NSUN7: variants seen among roughly 807,000 people sequenced by gnomAD.
The protein encoded by NSUN7 is NOP2/Sun RNA methyltransferase family member 7.
In NSUN7, 39 loss-of-function variants were observed where a neutral mutation model predicts 58.5. That is an observed-to-expected ratio of 0.67 (90% confidence interval 0.52 to 0.87). The LOEUF is 0.87. Ranked by LOEUF, NSUN7 falls within the 40% of genes least tolerant of loss-of-function variation. The pLI is 0.00. For synonymous variants in NSUN7, 278 were observed against 303.7 expected (o/e 0.92, Z 0.88); for missense variants, 765 against 844.1 (o/e 0.91, Z 1.16).
intron 2 of NSUN7, among the ~76,000 whole-genome samples, chr4:40,759,781 T>G (rs1741360407): frequency 6.6e-6 from 1 of 152,064 alleles, no homozygotes; most frequent in East Asian, 1.9e-4. Flanking sequence ...TGGCTCATGC[T>G]TGTAATCCCA....
intron 2 of NSUN7, among the ~76,000 whole-genome samples, chr4:40,751,838 A>T (rs1478968924): frequency 1.3e-5 from 2 of 152,242 alleles, no homozygotes; most frequent in South Asian, 2.1e-4. Context: ...ACAAAAAAAA[A>T]TTTAAAAATT....
chr4:40,786,657 A>G, intron 7 of NSUN7: 1 of 1,584,730 alleles, frequency 6.3e-7, no homozygotes, highest in South Asian at 1.2e-5. Context: ...TTGAGAAACT[A>G]CATGATATGA....
intron 10 of NSUN7, among the ~76,000 whole-genome samples, chr4:40,799,213 G>A (rs1008317125): frequency 6.6e-6 from 1 of 150,804 alleles, no homozygotes; most frequent in Non-Finnish European, 1.5e-5. Context: ...AGCCTCCCAA[G>A]TGGCTGGGAT....
At chr4:40,754,334 A>G (rs888865397) in intron 2 of NSUN7, among the ~76,000 whole-genome samples, 2 of 151,988 alleles carry the variant, frequency 1.3e-5, no homozygotes, top group Non-Finnish European at 2.9e-5. Flanking sequence ...TTTAGTAGAG[A>G]TGGGAGTTTC....
intron 2 of NSUN7, 41 bp downstream of exon 2, chr4:40,751,032 T>G: frequency 1.3e-6 from 2 of 1,593,886 alleles, no homozygotes; most frequent in Non-Finnish European, 1.7e-6. Flanking sequence ...TAAAAGAAAA[T>G]AATAGCGAGA....
At chr4:40,800,951 T>G (rs1743552468) in intron 10 of NSUN7, among the ~76,000 whole-genome samples, 1 of 152,082 alleles carries the variant, frequency 6.6e-6, no homozygotes, top group Non-Finnish European at 1.5e-5. Flanking sequence ...TTTTGTGATT[T>G]TCTTCTAAAT....
At position 40,789,497 on chromosome 4, in the gene NSUN7, G is replaced by A. The variant is rs13435600; in HGVS notation, c.1037-1105G>A. 7.8e-3 allele frequency among the ~76,000 whole-genome samples: 1,021 copies of A among 130,480 alleles called. 11 individuals are homozygous for A. The highest frequency in any genetic ancestry group is 0.027 in the African/African-American group (954 of 35,072). The allele number at this position is 130,480 out of a possible 152,430, so 85.6% of individuals were successfully genotyped here. A position where few individuals can be genotyped will look rare whatever the true frequency, so the allele number is the denominator to read the frequency against. ...AAACATTTTTAACTTTTTTGGTGTC[G>A]TTACATTTTAAAAGAAGATTTTATC... On this transcript the variant is annotated intron_variant, in intron 7 of 11. Transcript: ENST00000381782.
rs1268123756 is a variant in NSUN7 at position 40,810,750 on chromosome 4, A to G, written c.*1811A>G. 6.6e-6 allele frequency: 1 copy of G among 152,198 alleles called. No individual in the cohort carries two copies. The highest frequency in any genetic ancestry group is 1.5e-5 in the Non-Finnish European group (1 of 68,038). The allele number at this position is 152,198 out of a possible 1,614,324, so 9.4% of individuals were successfully genotyped here. On this transcript the variant is annotated 3_prime_UTR_variant, in exon 12 of 12. Coordinates refer to ENST00000381782, the MANE Select transcript of NSUN7 (RefSeq NM_024677.6). ...ATTTTGCTGATTTTGAAAATCAAAC[A>G]CTATCTCCTTGCCCTAAAATTATAG... is the stretch of plus-strand genomic sequence containing the variant.
intron 7 of NSUN7, chr4:40,785,996 A>G (rs1039017854): frequency 1.5e-6 from 2 of 1,366,438 alleles, no homozygotes; most frequent in African/African-American, 2.9e-5. Context: ...AGAGACGCTG[A>G]GTGAAGAAGA....
intron 4 of NSUN7, 118 bp from the exon 5 acceptor site, chr4:40,774,147 A>C: frequency 1.0e-6 from 1 of 968,048 alleles, no homozygotes; most frequent in Non-Finnish European, 1.6e-6. Flanking sequence ...GACTTCAAAA[A>C]TTTGAAATAG....
chr4:40,808,637 G>A lies in NSUN7; in HGVS notation c.1855G>A (p.Val619Met), dbSNP rs985715417. The change falls in exon 12 of 12, where the codon GTG (valine) becomes ATG (methionine). Residue 619 changes from valine (V) to methionine (M), a missense_variant. Coordinates refer to ENST00000381782, the MANE Select transcript of NSUN7 (RefSeq NM_024677.6). ...LAPHPAVPAF[V>M]KNTCPSRPRE... ...CCCCCATCCTGCAGTGCCTGCATTT[G>A]TGAAGAACACTTGTCCCTCCAGACC... 48 of 1,551,778 alleles carry A rather than the reference G, an allele frequency of 3.1e-5. No homozygotes were observed. The East Asian group carries it at 1.1e-3, about 36-fold the overall frequency.
chr4:40,807,638 A>G (rs1486960201), intron 11 of NSUN7, among the ~76,000 whole-genome samples: 2 of 151,624 alleles, frequency 1.3e-5, no homozygotes, highest in Admixed American at 6.6e-5. Flanking sequence ...GAACCACCGC[A>G]CCCGGCCAGC....
intron 3 of NSUN7, 71 bp downstream of exon 3, chr4:40,760,563 T>C: frequency 7.8e-7 from 1 of 1,278,748 alleles, no homozygotes; most frequent in Non-Finnish European, 1.1e-6. Context: ...TAAAAGCCTT[T>C]AGATTTAAAT....
At chr4:40,800,566 C>G (rs950635491) in intron 10 of NSUN7, among the ~76,000 whole-genome samples, 1 of 152,138 alleles carries the variant, frequency 6.6e-6, no homozygotes, top group Non-Finnish European at 1.5e-5. Context: ...TCTTGAACTC[C>G]TGACCTCAAG....
At chr4:40,778,980 G>A (rs1402210642) in intron 7 of NSUN7, among the ~76,000 whole-genome samples, 1 of 152,142 alleles carries the variant, frequency 6.6e-6, no homozygotes, top group Non-Finnish European at 1.5e-5. Context: ...AGATCTGAGA[G>A]TTTGTCACTA....
At chr4:40,757,670 GTGTGTATATATATACACAC>G (rs1359805407) in intron 2 of NSUN7, among the ~76,000 whole-genome samples, 181 of 142,278 alleles carry the variant, frequency 1.3e-3, no homozygotes, top group Middle Eastern at 7.5e-3. Context: ...TATATACATT[GTGTGTATATATATACACAC>G]TGTGTATATA....
intron 2 of NSUN7, among the ~76,000 whole-genome samples, chr4:40,751,722 G>A (rs969569915): frequency 6.6e-6 from 1 of 152,114 alleles, no homozygotes; most frequent in Non-Finnish European, 1.5e-5. Context: ...GGCCAAGGGT[G>A]GTTGCTCAGG....
In NSUN7 at chr4:40,750,945, G is replaced by A. The variant is rs911440855; in HGVS notation, c.252G>A (p.Gln84=). The A allele has an allele frequency of 6.2e-7, 1 of 1,614,234 alleles. No homozygotes were observed. Among genetic ancestry groups the A allele is most frequent in the Admixed American group, 1.7e-5 (1 of 60,034 alleles). ...PLRSLSESED[Q]SFQRLSYELA... is the part of the protein sequence containing the mutation. ...GGTCCTTGTCCGAGTCTGAGGATCA[G>A]TCCTTTCAGCGTTTGTCTTATGAGC... Residue 84 remains glutamine (Q), a synonymous_variant, in exon 2 of 12, where the codon CAG becomes CAA. Coordinates refer to ENST00000381782, the MANE Select transcript of NSUN7 (RefSeq NM_024677.6).
At chr4:40,781,923 T>C (rs529010644) in intron 7 of NSUN7, among the ~76,000 whole-genome samples, 2 of 152,328 alleles carry the variant, frequency 1.3e-5, no homozygotes, top group African/African-American at 4.8e-5. Flanking sequence ...GAGGTATTTA[T>C]AATTATGAAA....
Sources: gnomAD v4.1 joint callset for allele counts (sites outside exome capture counted in the v4.1 genomes callset) on GRCh38, gnomAD v4.1.1 for gene constraint, MANE v1.5 for transcripts, NCBI Gene and HGNC (gene_info 2026-07-23, HGNC 2026-07-21) for gene names.